The following GMDS variants were observed in gnomAD, a reference collection of about 807,000 sequenced individuals.
The protein encoded by GMDS is GDP-mannose 4,6-dehydratase.
In GMDS, 20 loss-of-function variants were observed where a neutral mutation model predicts 49.9. The observed-to-expected ratio is 0.40, with a 90% CI of 0.28 to 0.58. The LOEUF (loss-of-function observed/expected upper bound fraction) is 0.58, where lower values mean the gene tolerates loss of function less well. Ranked by LOEUF, GMDS falls within the 20% of genes least tolerant of loss-of-function variation. The pLI is 0.42. For synonymous variants in GMDS, 177 were observed against 178.6 expected (o/e 0.99, Z 0.07); for missense variants, 362 against 481.4 (o/e 0.75, Z 2.32).
At chr6:1,783,918 G>A (rs1769209654) in intron 7 of GMDS, among the ~76,000 whole-genome samples, 1 of 151,990 alleles carries the variant, frequency 6.6e-6, no homozygotes, top group African/African-American at 2.4e-5. Context: ...CCTTGCCCCT[G>A]GGTCTATGCA....
At chr6:1,732,207 G>A (rs1986205) in intron 8 of GMDS, among the ~76,000 whole-genome samples, 126,173 of 151,972 alleles carry the variant, frequency 0.83, 52,900 homozygotes, top group East Asian at 1. Context: ...GGCACCTGTA[G>A]TCCCAGCTAC....
chr6:1,918,737 A>C (rs1761548642), intron 7 of GMDS, among the ~76,000 whole-genome samples: 1 of 152,202 alleles, frequency 6.6e-6, no homozygotes, highest in Non-Finnish European at 1.5e-5. Context: ...TGACAGAGTG[A>C]GACCTACCTC....
chr6:1,623,995 C>A lies in GMDS; in HGVS notation c.*174G>T. 1 of 585,664 alleles carries A rather than the reference C, an allele frequency of 1.7e-6. No individual in the cohort carries two copies. The highest frequency in any genetic ancestry group is 3.0e-6 in the Non-Finnish European group (1 of 331,768). The allele number at this position is 585,664 out of a possible 1,614,324, so 36.3% of individuals were successfully genotyped here. The stretch of plus-strand genomic sequence containing the variant: ...CAAACCCTGGAGGGTCACATCCCGG[C>A]TGCTACAAACCTCGGCGGGGCGGCC... On this transcript the variant is annotated 3_prime_UTR_variant, in exon 11 of 11. Coordinates refer to ENST00000380815, the MANE Select transcript of GMDS (RefSeq NM_001500.4).
intron 4 of GMDS, among the ~76,000 whole-genome samples, chr6:2,008,107 T>G (rs899733488): frequency 1.3e-5 from 2 of 152,214 alleles, no homozygotes; most frequent in African/African-American, 4.8e-5. Context: ...AATTGCAATT[T>G]ATAGTCTATT....
intron 7 of GMDS, among the ~76,000 whole-genome samples, chr6:1,870,124 T>A (rs1479879131): frequency 6.6e-6 from 1 of 152,352 alleles, no homozygotes; most frequent in East Asian, 1.9e-4. Context: ...CAGCACGGTG[T>A]CTCTGGCACT....
At chr6:1,849,778 G>A (rs1469484784) in intron 7 of GMDS, among the ~76,000 whole-genome samples, 4 of 152,116 alleles carry the variant, frequency 2.6e-5, no homozygotes, top group East Asian at 1.9e-4. Context: ...AGAACAGACC[G>A]AAGCTCTTTG....
At position 1,640,604 on chromosome 6, in the gene GMDS, T is replaced by C. The variant is rs924060224; in HGVS notation, c.988-16064A>G. Among the ~76,000 whole-genome samples the C allele has an allele frequency of 6.6e-6, 1 of 152,180 alleles. No homozygotes were observed. Among genetic ancestry groups the C allele is most frequent in the Non-Finnish European group, 1.5e-5 (1 of 68,026 alleles). Reference sequence around the variant, plus strand: ...CGTTTTGGAGAGAATACATTTCTTATAAACAGCAGGGCAGGCTGTCTCAGG... The same window carrying C: ...CGTTTTGGAGAGAATACATTTCTTACAAACAGCAGGGCAGGCTGTCTCAGG... On this transcript the variant is annotated intron_variant, in intron 9 of 10. Transcript: ENST00000380815. This position sits in a 1 kb window ranked among gnomAD's most constrained non-coding sequence, Gnocchi z 4.0.
At chr6:1,667,193 A>T (rs1764263647) in intron 9 of GMDS, among the ~76,000 whole-genome samples, 1 of 152,194 alleles carries the variant, frequency 6.6e-6, no homozygotes, top group African/African-American at 2.4e-5. Flanking sequence ...GCCTCAGACC[A>T]ATCAAAGTCT....
chr6:1,652,632 A>G (rs1763725688), intron 9 of GMDS, among the ~76,000 whole-genome samples: 1 of 8,942 alleles, frequency 1.1e-4, no homozygotes, highest in African/African-American at 3.6e-4. Flanking sequence ...TTATTTATAT[A>G]TAATATATAT....
chr6:1,824,858 T>TG (rs758997989), intron 7 of GMDS, among the ~76,000 whole-genome samples: 1 of 152,242 alleles, frequency 6.6e-6, no homozygotes, highest in Non-Finnish European at 1.5e-5. Flanking sequence ...CTGTATCCTC[T>TG]GCTTTGGACT....
intron 4 of GMDS, among the ~76,000 whole-genome samples, chr6:1,983,902 T>C (rs538793433): frequency 6.6e-6 from 1 of 152,350 alleles, no homozygotes. Flanking sequence ...ATCATTCTAT[T>C]ATGAAGATAC....
intron 4 of GMDS, among the ~76,000 whole-genome samples, chr6:1,986,623 G>A (rs563052256): frequency 6.6e-6 from 1 of 152,300 alleles, no homozygotes; most frequent in Admixed American, 6.5e-5. Context: ...AAACACTACA[G>A]TATGAAAATG....
chr6:2,137,347 T>TG (rs1167137628), intron 1 of GMDS, among the ~76,000 whole-genome samples: 1 of 151,828 alleles, frequency 6.6e-6, no homozygotes, highest in East Asian at 1.9e-4. Flanking sequence ...TTTTTTTTTT[T>TG]TTTTGGATGG....
At chr6:1,996,030 G>A (rs1459210033) in intron 4 of GMDS, among the ~76,000 whole-genome samples, 2 of 152,130 alleles carry the variant, frequency 1.3e-5, no homozygotes, top group East Asian at 3.8e-4. Context: ...CTGAGGGAGG[G>A]AGAAACATGG....
rs115642003 is a variant in GMDS, at chr6:2,051,640, C to T, written c.345+64131G>A. ...CTCTAACTATTCTCACTAAGTTGTA[C>T]CACTTTATAAAGGAAGTTGAGAAGT... On this transcript the variant is annotated intron_variant, in intron 4 of 10. Transcript: ENST00000380815. Among the ~76,000 whole-genome samples the T allele has an allele frequency of 8.7e-3, 1,327 of 152,134 alleles. 20 individuals are homozygous for T. The highest frequency in any genetic ancestry group is 0.031 in the African/African-American group (1,270 of 41,506).
intron 1 of GMDS, among the ~76,000 whole-genome samples, chr6:2,147,073 TAG>T (rs1776592814): frequency 6.6e-6 from 1 of 152,112 alleles, no homozygotes; most frequent in Non-Finnish European, 1.5e-5. Flanking sequence ...TGAAGGAAAA[TAG>T]GAGTCCTATT....
At chr6:1,696,919 G>A (rs914156390) in intron 9 of GMDS, among the ~76,000 whole-genome samples, 2 of 152,230 alleles carry the variant, frequency 1.3e-5, no homozygotes, top group African/African-American at 4.8e-5. Context: ...TTTACCATCT[G>A]TGACCCTGGG....
intron 1 of GMDS, among the ~76,000 whole-genome samples, chr6:2,232,933 C>G (rs1031691331): frequency 1.3e-5 from 2 of 152,232 alleles, no homozygotes; most frequent in South Asian, 2.1e-4. Flanking sequence ...TTTCCCAGAT[C>G]TAAGGCAAAG....
At chr6:2,009,999 C>T (rs532129615) in intron 4 of GMDS, among the ~76,000 whole-genome samples, 1 of 152,088 alleles carries the variant, frequency 6.6e-6, no homozygotes, top group South Asian at 2.1e-4. Context: ...CCAAGAAACC[C>T]AACGAACCCT....
Sources: gnomAD v4.1 joint callset for allele counts (sites outside exome capture counted in the v4.1 genomes callset) on GRCh38, gnomAD v4.1.1 for gene constraint, Gnocchi (gnomAD v3.1) non-coding constraint, MANE v1.5 for transcripts, NCBI Gene and HGNC (gene_info 2026-07-23, HGNC 2026-07-21) for gene names.